CACNA2D1: variants seen among roughly 807,000 people sequenced by gnomAD.
CACNA2D1 encodes calcium voltage-gated channel auxiliary subunit alpha2delta 1.
In CACNA2D1, 53 loss-of-function variants were observed where a neutral mutation model predicts 171.5. The ratio of observed to expected loss-of-function variants is 0.31; its 90% CI spans 0.25 to 0.39. The LOEUF is 0.39. Ranked by LOEUF, CACNA2D1 falls within the 10% of genes least tolerant of loss-of-function variation. The pLI is 1.00. For missense variants in CACNA2D1, 903 were observed against 1,299.8 expected (o/e 0.69, Z 4.69); for synonymous variants, 442 against 443.1 (o/e 1.00, Z 0.03).
At chr7:81,999,406 C>T (rs1255738568) in intron 18 of CACNA2D1, among the ~76,000 whole-genome samples, 2 of 152,030 alleles carry the variant, frequency 1.3e-5, no homozygotes, top group African/African-American at 2.4e-5. Context: ...ATTAAAATAC[C>T]TAGTATTTCT....
chr7:81,979,451 T>C (rs1224219077), intron 24 of CACNA2D1, among the ~76,000 whole-genome samples: 1 of 152,136 alleles, frequency 6.6e-6, no homozygotes. Flanking sequence ...TCTACCCTAG[T>C]TTCCACCTTG....
chr7:82,114,760 G>GA (rs34240770), intron 6 of CACNA2D1, among the ~76,000 whole-genome samples: 6,925 of 103,066 alleles, frequency 0.067, 249 homozygotes, highest in South Asian at 0.15. Flanking sequence ...CGTCCCAGAA[G>GA]AAAAAAAAAA....
At chr7:82,015,703 T>G (rs992307916) in intron 12 of CACNA2D1, among the ~76,000 whole-genome samples, 3 of 152,202 alleles carry the variant, frequency 2.0e-5, no homozygotes, top group Non-Finnish European at 4.4e-5. Flanking sequence ...GTTAAGAGCT[T>G]TTCCCTAATT....
intron 7 of CACNA2D1, among the ~76,000 whole-genome samples, chr7:82,081,907 G>A (rs533270042): frequency 9.3e-5 from 14 of 151,308 alleles, no homozygotes; most frequent in South Asian, 2.1e-4. Flanking sequence ...CCAAGTGCTG[G>A]CACAGAAGCG....
chr7:82,301,544 T>C (rs1412068526), intron 3 of CACNA2D1, among the ~76,000 whole-genome samples: 1 of 152,070 alleles, frequency 6.6e-6, no homozygotes, highest in Non-Finnish European at 1.5e-5. Context: ...GCCCTAACCA[T>C]ACACAACGAA....
At chr7:82,013,172 A>G (rs1800009141) in intron 14 of CACNA2D1, among the ~76,000 whole-genome samples, 1 of 151,956 alleles carries the variant, frequency 6.6e-6, no homozygotes, top group African/African-American at 2.4e-5. Context: ...TTCAAATTAC[A>G]TGAAATGTAT....
In CACNA2D1 at chr7:81,950,199, G is replaced by A. The variant is rs1448055115; in HGVS notation, c.*193C>T. ...CATAGATGATGCAGCATTCACACAC[G>A]TTTAAGGATCTGACACCCTGACATG... On this transcript the variant is annotated 3_prime_UTR_variant, in exon 39 of 39. Transcript: ENST00000356860. 2.3e-5 allele frequency: 21 copies of A among 909,312 alleles called. No individual in the cohort carries two copies. The highest frequency in any genetic ancestry group is 1.0e-4 in the East Asian group (4 of 38,582). The allele number at this position is 909,312 out of a possible 1,614,324, so 56.3% of individuals were successfully genotyped here.
At chr7:81,978,753 G>GTGTGTGTGTATATATA (rs145105210) in intron 24 of CACNA2D1, among the ~76,000 whole-genome samples, 73 of 139,472 alleles carry the variant, frequency 5.2e-4, no homozygotes, top group African/African-American at 1.7e-3. Flanking sequence ...TTTAAAAAGT[G>GTGTGTGTGTATATATA]TATATATATA....
At chr7:82,388,128 C>T (rs1472414864) in intron 1 of CACNA2D1, among the ~76,000 whole-genome samples, 2 of 151,448 alleles carry the variant, frequency 1.3e-5, no homozygotes, top group African/African-American at 4.9e-5. Context: ...GACCTAATCT[C>T]TTCAACTCCA....
chr7:81,981,944 G>A (rs575913334), intron 24 of CACNA2D1, among the ~76,000 whole-genome samples: 4 of 152,084 alleles, frequency 2.6e-5, no homozygotes, highest in East Asian at 1.9e-4. Context: ...CTACCCCTAC[G>A]TGTATAGATA....
At chr7:82,435,701 C>A (rs552002389) in intron 1 of CACNA2D1, among the ~76,000 whole-genome samples, 1 of 152,080 alleles carries the variant, frequency 6.6e-6, no homozygotes, top group African/African-American at 2.4e-5. Flanking sequence ...TATACTGGCC[C>A]GCCTTAATCC....
chr7:82,222,594 T>A (rs1801887336), intron 3 of CACNA2D1, among the ~76,000 whole-genome samples: 1 of 152,168 alleles, frequency 6.6e-6, no homozygotes, highest in African/African-American at 2.4e-5. Flanking sequence ...TTTCTCCTCT[T>A]CGAAGACTTC....
At chr7:82,358,669 TTC>T (rs968154354) in intron 1 of CACNA2D1, among the ~76,000 whole-genome samples, 4 of 151,266 alleles carry the variant, frequency 2.6e-5, no homozygotes, top group Non-Finnish European at 5.9e-5. Flanking sequence ...TGCCTTCATT[TTC>T]TGTTTTTTTT....
At chr7:82,332,557 A>AGAAAGAAAGAAC (rs1478782676) in intron 3 of CACNA2D1, among the ~76,000 whole-genome samples, 2 of 139,066 alleles carry the variant, frequency 1.4e-5, no homozygotes, top group Non-Finnish European at 3.2e-5. Context: ...AAAGAAAGAA[A>AGAAAGAAAGAAC]GAAAGAAAGA....
At chr7:82,169,503 T>A (rs1344719847) in intron 4 of CACNA2D1, among the ~76,000 whole-genome samples, 1 of 152,042 alleles carries the variant, frequency 6.6e-6, no homozygotes, top group African/African-American at 2.4e-5. Flanking sequence ...GTATCAAGAA[T>A]GGAAGACTAT....
intron 3 of CACNA2D1, among the ~76,000 whole-genome samples, chr7:82,310,316 T>C (rs1261744466): frequency 6.6e-6 from 1 of 151,910 alleles, no homozygotes; most frequent in Non-Finnish European, 1.5e-5. Flanking sequence ...AGAAAAGTTA[T>C]AAAAGGTATG....
At chr7:82,356,415 C>G (rs1357583397) in intron 1 of CACNA2D1, among the ~76,000 whole-genome samples, 3 of 152,118 alleles carry the variant, frequency 2.0e-5, no homozygotes, top group Admixed American at 2.0e-4. Context: ...CACTAATATT[C>G]TAATATCACC....
intron 3 of CACNA2D1, among the ~76,000 whole-genome samples, chr7:82,267,868 G>T (rs1217198902): frequency 6.6e-6 from 1 of 152,028 alleles, no homozygotes; most frequent in Admixed American, 6.6e-5. Flanking sequence ...GTGGTGGCGG[G>T]TGCCTGTAGT....
chr7:82,305,787 G>A (rs1034518313), intron 3 of CACNA2D1, among the ~76,000 whole-genome samples: 1 of 151,710 alleles, frequency 6.6e-6, no homozygotes, highest in Non-Finnish European at 1.5e-5. Context: ...ATCTATAGAG[G>A]GCAAAGGGAA....
Sources: gnomAD v4.1 joint callset for allele counts (sites outside exome capture counted in the v4.1 genomes callset) on GRCh38, gnomAD v4.1.1 for gene constraint, MANE v1.5 for transcripts, NCBI Gene and HGNC (gene_info 2026-07-23, HGNC 2026-07-21) for gene names.